The following HCN1 variants were observed in gnomAD, a reference collection of about 807,000 sequenced individuals.
HCN1 encodes the protein potassium/sodium hyperpolarization-activated cyclic nucleotide-gated channel 1.
HCN1 carries 13 observed loss-of-function variants against 78.9 expected under a neutral mutation model. The ratio of observed to expected loss-of-function variants is 0.16; its 90% confidence interval spans 0.11 to 0.26. The LOEUF (loss-of-function observed/expected upper bound fraction) is 0.26. Ranked by LOEUF, HCN1 falls within the 10% of genes least tolerant of loss-of-function variation. The pLI is 1.00. For synonymous variants in HCN1, 552 were observed against 455.5 expected, an observed-to-expected ratio of 1.21 and a Z score of -2.70; for missense variants, 810 against 1,154.3, an observed-to-expected ratio of 0.70 and a Z score of 4.32.
intron 4 of HCN1, among the ~76,000 whole-genome samples, chr5:45,371,897 CATT>C (rs201314596): frequency 1.3e-5 from 1 of 79,208 alleles, no homozygotes; most frequent in Non-Finnish European, 2.0e-5. Context: ...ATATAATATA[CATT>C]ATATTATAAA....
intron 2 of HCN1, among the ~76,000 whole-genome samples, chr5:45,475,399 T>G (rs1339122052): frequency 6.6e-6 from 1 of 152,088 alleles, no homozygotes; most frequent in Non-Finnish European, 1.5e-5. Flanking sequence ...TCTCCATTGA[T>G]ATTGGATCTG....
chr5:45,369,347 T>C (rs1747300922), intron 4 of HCN1, among the ~76,000 whole-genome samples: 1 of 152,036 alleles, frequency 6.6e-6, no homozygotes. Context: ...CAGTATCTCA[T>C]ATTATCCTTC....
intron 2 of HCN1, among the ~76,000 whole-genome samples, chr5:45,601,837 A>T (rs1007991791): frequency 6.6e-6 from 1 of 152,118 alleles, no homozygotes; most frequent in Non-Finnish European, 1.5e-5. Context: ...CCCAAAATTC[A>T]TATGTTGAAG....
intron 6 of HCN1, among the ~76,000 whole-genome samples, chr5:45,279,376 G>C (rs372674971): frequency 1.3e-5 from 2 of 152,086 alleles, no homozygotes; most frequent in Non-Finnish European, 1.5e-5. Flanking sequence ...TGTTGAAACC[G>C]TGTTCAAAGA....
intron 2 of HCN1, among the ~76,000 whole-genome samples, chr5:45,516,527 A>G (rs7703700): frequency 0.011 from 1,619 of 152,088 alleles, 26 homozygotes; most frequent in African/African-American, 0.037. Flanking sequence ...ACTTCCTCCA[A>G]TTAAAATATG....
chr5:45,616,729 A>C (rs370856550), intron 2 of HCN1, among the ~76,000 whole-genome samples: 11 of 152,066 alleles, frequency 7.2e-5, no homozygotes, highest in African/African-American at 2.7e-4. Context: ...TAAATAAAAA[A>C]CAAACTTGGT....
At position 45,303,697 on chromosome 5, in the gene HCN1, G is replaced by T; in HGVS notation, c.1520C>A (p.Ala507Asp). The T allele has an allele frequency of 6.2e-7, 1 of 1,613,486 alleles. No individual in the cohort carries two copies. The highest frequency in any genetic ancestry group is 8.5e-7 in the Non-Finnish European group (1 of 1,179,696). The change falls in exon 6 of 8, where the codon GCC becomes GAC. Residue 507 changes from alanine to aspartate, a missense_variant. Coordinates refer to ENST00000303230, the MANE Select transcript of HCN1 (RefSeq NM_021072.4). ...QPGDYIIREG[A>D]VGKKMYFIQH... ...AATGAAATACATTTTTTTACCCACG[G>T]CTCCTTCTCGTATGATATAATCTCC... is the stretch of plus-strand genomic sequence containing the variant.
At chr5:45,559,030 G>T (rs1385715767) in intron 2 of HCN1, 2 of 150,112 alleles carry the variant, frequency 1.3e-5, no homozygotes, top group African/African-American at 4.9e-5. Flanking sequence ...AAAACTCCTG[G>T]GATTACAGGT....
At chr5:45,279,756 A>C (rs62367520) in intron 6 of HCN1, among the ~76,000 whole-genome samples, 23,426 of 152,084 alleles carry the variant, frequency 0.15, 2,110 homozygotes, top group Admixed American at 0.24. Flanking sequence ...TTCAAAGATA[A>C]AATTTCAGTA....
intron 6 of HCN1, among the ~76,000 whole-genome samples, chr5:45,303,069 A>G (rs895918213): frequency 1.6e-4 from 24 of 152,132 alleles, no homozygotes; most frequent in African/African-American, 4.3e-4. Context: ...ATCTAACTAC[A>G]GGCTACATTT....
At chr5:45,682,361 T>C (rs1739721302) in intron 1 of HCN1, among the ~76,000 whole-genome samples, 1 of 150,206 alleles carries the variant, frequency 6.7e-6, no homozygotes, top group African/African-American at 2.4e-5. Flanking sequence ...CATAGAAATA[T>C]GCATTTATTT....
At chr5:45,378,868 C>T (rs1010330311) in intron 4 of HCN1, among the ~76,000 whole-genome samples, 18 of 152,076 alleles carry the variant, frequency 1.2e-4, no homozygotes, top group Admixed American at 2.0e-4. Flanking sequence ...TGAGAACATG[C>T]GGTGTTTGTT....
intron 2 of HCN1, among the ~76,000 whole-genome samples, chr5:45,499,281 A>T (rs2111727290): frequency 6.6e-6 from 1 of 152,246 alleles, no homozygotes; most frequent in Admixed American, 6.5e-5. Context: ...TGCAGGATAT[A>T]ATCTCCTGGT....
rs1739694100 is a variant in HCN1, at chr5:45,396,684, T to C, written c.1038A>G (p.Ser346=). 6.2e-7 allele frequency: 1 copy of C among 1,613,754 alleles called. No homozygotes were observed. The highest frequency in any genetic ancestry group is 8.5e-7 in the Non-Finnish European group (1 of 1,179,794). The change falls in exon 4 of 8, where the codon TCA becomes TCG. Residue 346 remains serine (S), a synonymous_variant. Coordinates refer to ENST00000303230, the MANE Select transcript of HCN1 (RefSeq NM_021072.4). ...GACTCATAGCTTTGAAGAGTGCGTATGAATACTGCTTTCCCCAAGAATCAT... is the reference window on the plus strand; with the variant it reads ...GACTCATAGCTTTGAAGAGTGCGTACGAATACTGCTTTCCCCAAGAATCAT... ...MVNDSWGKQY[S]YALFKAMSHM...
chr5:45,595,943 G>A (rs1561214214), intron 2 of HCN1, among the ~76,000 whole-genome samples: 1 of 151,702 alleles, frequency 6.6e-6, no homozygotes, highest in Non-Finnish European at 1.5e-5. Context: ...AGGCTGGAGT[G>A]CAGTGGCACG....
At chr5:45,445,755 G>A (rs1210536469) in intron 3 of HCN1, among the ~76,000 whole-genome samples, 5 of 151,878 alleles carry the variant, frequency 3.3e-5, no homozygotes, top group South Asian at 2.1e-4. Context: ...TGCAGACACC[G>A]CTGCTGATAC....
chr5:45,691,753 TTCTC>T (rs1253426231), intron 1 of HCN1, among the ~76,000 whole-genome samples: 3 of 152,156 alleles, frequency 2.0e-5, no homozygotes, highest in African/African-American at 2.4e-5. Flanking sequence ...GAAGCAAATG[TTCTC>T]TCTATTATGA....
intron 2 of HCN1, among the ~76,000 whole-genome samples, chr5:45,637,928 T>C (rs1745384502): frequency 6.6e-6 from 1 of 152,148 alleles, no homozygotes; most frequent in South Asian, 2.1e-4. Context: ...TAGTTACTCT[T>C]CAAAACTACC....
At chr5:45,377,005 TG>T (rs1210307431) in intron 4 of HCN1, among the ~76,000 whole-genome samples, 1 of 151,932 alleles carries the variant, frequency 6.6e-6, no homozygotes, top group East Asian at 1.9e-4. Flanking sequence ...TGAGAAAACT[TG>T]GAATGCTATC....
Sources: gnomAD v4.1 joint callset for allele counts (sites outside exome capture counted in the v4.1 genomes callset) on GRCh38, gnomAD v4.1.1 for gene constraint, MANE v1.5 for transcripts, NCBI Gene and HGNC (gene_info 2026-07-23, HGNC 2026-07-21) for gene names.